The following CDR2L variants were observed in gnomAD, a reference collection of about 807,000 sequenced individuals.
CDR2L encodes cerebellar degeneration related protein 2 like.
CDR2L carries 19 observed loss-of-function variants against 36.1 expected under a neutral mutation model. That is an observed-to-expected ratio of 0.53 (90% CI 0.37 to 0.77). CDR2L has a LOEUF of 0.77. Ranked by LOEUF, CDR2L falls within the 30% of genes least tolerant of loss-of-function variation. CDR2L has a pLI of 0.00. For missense variants in CDR2L, 575 were observed against 627.2 expected, an observed-to-expected ratio of 0.92 and a Z score of 0.89; for synonymous variants, 285 against 280.4, an observed-to-expected ratio of 1.02 and a Z score of -0.16.
chr17:75,002,691 A>G lies in CDR2L; in HGVS notation c.506+463A>G, dbSNP rs2039874167. Among the ~76,000 whole-genome samples, 1 of 152,178 alleles carries G rather than the reference A, an allele frequency of 6.6e-6. No homozygotes were observed. The highest frequency in any genetic ancestry group is 1.5e-5 in the Non-Finnish European group (1 of 68,030). On this transcript the variant is annotated intron_variant, in intron 4 of 4. Coordinates refer to ENST00000337231, the MANE Select transcript of CDR2L (RefSeq NM_014603.3). This position sits in a 1 kb window ranked among gnomAD's most constrained non-coding sequence, Gnocchi z 4.1. ...CAGTCTCTTACACAGAGTAATGGAGAAGTTAAATGAAGAAGAGGTGTGGGC... is the reference window on the plus strand; with the variant it reads ...CAGTCTCTTACACAGAGTAATGGAGGAGTTAAATGAAGAAGAGGTGTGGGC...
chr17:74,997,393 A>G (rs907561048), intron 1 of CDR2L, among the ~76,000 whole-genome samples: 4 of 151,992 alleles, frequency 2.6e-5, no homozygotes, highest in African/African-American at 7.2e-5. Context: ...TCCACCCTTC[A>G]AAGTCCAACT....
At chr17:74,997,822 C>T (rs1336599177) in intron 1 of CDR2L, among the ~76,000 whole-genome samples, 1 of 150,848 alleles carries the variant, frequency 6.6e-6, no homozygotes, top group Non-Finnish European at 1.5e-5. Flanking sequence ...CCAGCCTGGC[C>T]GACATGGTGA....
chr17:74,992,525 C>T (rs758045431), intron 1 of CDR2L, among the ~76,000 whole-genome samples: 1 of 151,932 alleles, frequency 6.6e-6, no homozygotes, highest in Non-Finnish European at 1.5e-5. Flanking sequence ...AGGCCTCTCT[C>T]CTCTGAGCCT....
intron 1 of CDR2L, among the ~76,000 whole-genome samples, chr17:74,991,064 T>C (rs1196706638): frequency 6.6e-6 from 1 of 152,188 alleles, no homozygotes. Flanking sequence ...AGGTCCTAGA[T>C]TCTCGCTGTG....
rs1212433230 is a variant in CDR2L at position 75,002,270 on chromosome 17, A to G, written c.506+42A>G. On this transcript the variant is annotated intron_variant, in intron 4 of 4. Coordinates refer to ENST00000337231, the MANE Select transcript of CDR2L (RefSeq NM_014603.3). The surrounding 1 kb of genome is among the most constrained non-coding windows in gnomAD (Gnocchi z 4.1). ...CTTGGTGTCTCTGGGATTGCCAGCC[A>G]TGGGAGGAAGGAGAGGCAGCAGGCA... is the stretch of plus-strand genomic sequence containing the variant. 3 of 1,568,260 alleles carry G rather than the reference A, an allele frequency of 1.9e-6. No homozygotes were observed. The highest frequency in any genetic ancestry group is 2.6e-6 in the Non-Finnish European group (3 of 1,155,276).
chr17:74,999,066 A>T (rs1343335867), intron 1 of CDR2L, among the ~76,000 whole-genome samples: 3 of 151,940 alleles, frequency 2.0e-5, no homozygotes, highest in Non-Finnish European at 4.4e-5. Flanking sequence ...CCATGCGGAC[A>T]CTCCAGCTTG....
chr17:74,993,310 G>A (rs1001684003), intron 1 of CDR2L, among the ~76,000 whole-genome samples: 1 of 151,754 alleles, frequency 6.6e-6, no homozygotes, highest in Non-Finnish European at 1.5e-5. Flanking sequence ...CAGAGTCTTG[G>A]TCCATCGCCC....
At chr17:74,997,919 T>TAA (rs35218405) in intron 1 of CDR2L, among the ~76,000 whole-genome samples, 66,444 of 125,532 alleles carry the variant, frequency 0.53, 17,180 homozygotes, top group Non-Finnish European at 0.6. Context: ...TTTTAGAAGT[T>TAA]AAAAAAAAAA....
Position 75,004,667 on chromosome 17 carries a change from G to A in CDR2L, c.*593G>A, listed in dbSNP as rs2039892643. On this transcript the variant is annotated 3_prime_UTR_variant, in exon 5 of 5. Transcript: ENST00000337231. ...AGATGTCCCCTGCCATGCAGAGCAG[G>A]AAGCCTCAGCTGGGCCTGGAGTGTC... The A allele has an allele frequency of 6.5e-6, 1 of 152,902 alleles. No individual in the cohort carries two copies. Among genetic ancestry groups the A allele is most frequent in the Non-Finnish European group, 1.5e-5 (1 of 68,368 alleles). The allele number at this position is 152,902 out of a possible 1,614,324, so 9.5% of individuals were successfully genotyped here.
chr17:74,999,449 A>C (rs2039850972), intron 1 of CDR2L, 55 bp from the exon 2 acceptor site: 2 of 1,240,434 alleles, frequency 1.6e-6, no homozygotes, highest in Non-Finnish European at 2.3e-6. Flanking sequence ...GATGCTCGGA[A>C]CATGAATGGG....
At chr17:74,995,155 G>T (rs1353255217) in intron 1 of CDR2L, among the ~76,000 whole-genome samples, 1 of 150,682 alleles carries the variant, frequency 6.6e-6, no homozygotes, top group Non-Finnish European at 1.5e-5. Context: ...TCTCACCTCA[G>T]CCTTCCAAAG....
chr17:74,987,928 C>G lies in CDR2L; in HGVS notation c.-116C>G, dbSNP rs2039773095. 2 of 439,318 alleles carry G rather than the reference C, an allele frequency of 4.6e-6. No homozygotes were observed. Among genetic ancestry groups the G allele is most frequent in the African/African-American group, 4.2e-5 (2 of 47,848 alleles). The allele number at this position is 439,318 out of a possible 1,614,324, so 27.2% of individuals were successfully genotyped here. A position where few individuals can be genotyped will look rare whatever the true frequency, so the allele number is the denominator to read the frequency against. On this transcript the variant is annotated 5_prime_UTR_variant, in exon 1 of 5. Transcript: ENST00000337231. ...ATGGCGAGGGGGCGCGGCGCGGGCT[C>G]TGTAGCCCGAGTTCCCGACGCTGGA... is the stretch of plus-strand genomic sequence containing the variant.
Position 75,004,764 on chromosome 17 carries a change from AGAG to A in CDR2L, c.*700_*702del. ...GCCCACCGCAGATCTGTAGCCAGTC[AGAG>A]GAGGAGGAGAAGGAGCCCCTCAGCA... is the stretch of plus-strand genomic sequence containing the variant. On this transcript the variant is annotated 3_prime_UTR_variant, in exon 5 of 5. Transcript: ENST00000337231. 2 of 152,836 alleles carry A rather than the reference AGAG, an allele frequency of 1.3e-5. No homozygotes were observed. The highest frequency in any genetic ancestry group is 2.9e-5 in the Non-Finnish European group (2 of 68,324). The allele number at this position is 152,836 out of a possible 1,614,324, so 9.5% of individuals were successfully genotyped here.
In CDR2L at chr17:74,989,497, C is replaced by T. The variant is rs2144854454; in HGVS notation, c.79+1375C>T. On this transcript the variant is annotated intron_variant, in intron 1 of 4. Transcript: ENST00000337231. This position sits in a 1 kb window ranked among gnomAD's most constrained non-coding sequence, Gnocchi z 4.2. Reference sequence around the variant, plus strand: ...TCCCATCCTGGGCAGTAAATTTTTCCATGAACACCTATTAGGCTCCCCTTA... The same window carrying T: ...TCCCATCCTGGGCAGTAAATTTTTCTATGAACACCTATTAGGCTCCCCTTA... Among the ~76,000 whole-genome samples the T allele has an allele frequency of 6.6e-6, 1 of 151,086 alleles. No individual in the cohort carries two copies. Among genetic ancestry groups the T allele is most frequent in the East Asian group, 2.0e-4 (1 of 5,092 alleles).
chr17:75,003,044 A>G (rs1476189541), intron 4 of CDR2L, 139 bp from the exon 5 acceptor site: 6 of 902,386 alleles, frequency 6.6e-6, no homozygotes, highest in South Asian at 3.5e-5. Context: ...TGGAGAGCCA[A>G]CGGAGAGGGG....
chr17:74,987,955 G>T lies in CDR2L; in HGVS notation c.-89G>T, dbSNP rs1476609918. On this transcript the variant is annotated 5_prime_UTR_variant, in exon 1 of 5. Transcript: ENST00000337231. ...GTAGCCCGAGTTCCCGACGCTGGAG[G>T]CCCGGCCCGCCTCAGCCGCATTGTC... The T allele has an allele frequency of 1.3e-5, 8 of 633,548 alleles. No individual in the cohort carries two copies. Among genetic ancestry groups the T allele is most frequent in the African/African-American group, 1.9e-5 (1 of 51,696 alleles). The allele number at this position is 633,548 out of a possible 1,614,324, so 39.2% of individuals were successfully genotyped here.
rs1168973181 is a variant in CDR2L at position 75,001,940 on chromosome 17, C to T, written c.342-124C>T. Reference sequence around the variant, plus strand: ...CCCATCCTACCTCAGGACCAGACAGCGGCTCAAGGGTACCTGTCTGCCTCC... The same window carrying T: ...CCCATCCTACCTCAGGACCAGACAGTGGCTCAAGGGTACCTGTCTGCCTCC... On this transcript the variant is annotated intron_variant, in intron 3 of 4. Transcript: ENST00000337231. 8 of 784,948 alleles carry T rather than the reference C, an allele frequency of 1.0e-5. 1 individual carries two copies. The highest frequency in any genetic ancestry group is 4.1e-5 in the South Asian group (2 of 48,506). 48.6% of individuals were successfully genotyped at this position (784,948 alleles called of 1,614,324 possible).
intron 3 of CDR2L, among the ~76,000 whole-genome samples, chr17:75,001,856 C>T (rs918427457): frequency 1.3e-5 from 2 of 152,166 alleles, no homozygotes; most frequent in Admixed American, 6.5e-5. Flanking sequence ...AGAGGAGAAG[C>T]GATCAGCTCG....
intron 3 of CDR2L, among the ~76,000 whole-genome samples, chr17:75,001,724 A>G (rs2144867120): frequency 6.6e-6 from 1 of 152,332 alleles, no homozygotes; most frequent in South Asian, 2.1e-4. Context: ...ACGATGGGGA[A>G]ACAAAGACAT....
Sources: gnomAD v4.1 joint callset for allele counts (sites outside exome capture counted in the v4.1 genomes callset) on GRCh38, gnomAD v4.1.1 for gene constraint, Gnocchi (gnomAD v3.1) non-coding constraint, MANE v1.5 for transcripts, NCBI Gene and HGNC (gene_info 2026-07-23, HGNC 2026-07-21) for gene names.